The following NEGR1 variants were observed in gnomAD, a reference collection of about 807,000 sequenced individuals.
The protein encoded by NEGR1 is neuronal growth regulator 1, also known as IgLON family member 4.
NEGR1 carries 10 observed loss-of-function variants against 40.9 expected under a neutral mutation model. That is an observed-to-expected ratio of 0.24 (90% CI 0.15 to 0.42). The LOEUF is 0.42. Among genes scored for constraint, NEGR1 ranks in the 10% least tolerant of loss-of-function variants. NEGR1 has a pLI of 1.00. For missense variants in NEGR1, 352 were observed against 438.9 expected (o/e 0.80, Z 1.77); for synonymous variants, 185 against 166.8 (o/e 1.11, Z -0.84).
chr1:72,218,401 A>C (rs1422622051), intron 1 of NEGR1, among the ~76,000 whole-genome samples: 1 of 152,010 alleles, frequency 6.6e-6, no homozygotes, highest in African/African-American at 2.4e-5. Context: ...CAAAATATAA[A>C]ATAAGCTCAA....
At chr1:71,498,175 TG>T (rs1234307515) in intron 6 of NEGR1, among the ~76,000 whole-genome samples, 1 of 150,604 alleles carries the variant, frequency 6.6e-6, no homozygotes, top group African/African-American at 2.4e-5. Flanking sequence ...TCTCTTGGAA[TG>T]GTTTAGCAAT....
chr1:71,571,213 C>T (rs1193619019), intron 6 of NEGR1, among the ~76,000 whole-genome samples: 1 of 152,096 alleles, frequency 6.6e-6, no homozygotes, highest in East Asian at 1.9e-4. Context: ...ACAGACATAT[C>T]TAAAGTTTTC....
At chr1:71,601,323 T>C (rs1336227212) in intron 5 of NEGR1, among the ~76,000 whole-genome samples, 1 of 152,180 alleles carries the variant, frequency 6.6e-6, no homozygotes, top group Non-Finnish European at 1.5e-5. Flanking sequence ...AAACAACAGA[T>C]GTTGGTGTGG....
rs1274851093 is a variant in NEGR1 at position 72,114,665 on chromosome 1, A to C, written c.176+167654T>G. On this transcript the variant is annotated intron_variant, in intron 1 of 6. Transcript: ENST00000357731. The stretch of plus-strand genomic sequence containing the variant: ...CAAAAATAGATGCTTTGCTTGGAAG[A>C]AGCTTTTCACTTCCTTGTAATATTT... Among the ~76,000 whole-genome samples the C allele has an allele frequency of 2.6e-5, 4 of 151,776 alleles. No individual in the cohort carries two copies. The Admixed American group carries it at 2.6e-4, about 10-fold the overall frequency.
chr1:72,245,089 AT>A (rs1242109740), intron 1 of NEGR1, among the ~76,000 whole-genome samples: 4 of 152,142 alleles, frequency 2.6e-5, no homozygotes, highest in African/African-American at 9.6e-5. Flanking sequence ...GGACAACCGT[AT>A]TGGTCAACGT....
At chr1:72,162,811 A>G (rs897804461) in intron 1 of NEGR1, among the ~76,000 whole-genome samples, 18 of 152,190 alleles carry the variant, frequency 1.2e-4, no homozygotes, top group African/African-American at 3.9e-4. Flanking sequence ...TGCAGAGGAT[A>G]GCAGTATTTA....
intron 1 of NEGR1, among the ~76,000 whole-genome samples, chr1:72,024,399 T>G (rs1264676940): frequency 6.6e-6 from 1 of 152,108 alleles, no homozygotes; most frequent in Non-Finnish European, 1.5e-5. Flanking sequence ...CATTTATTGT[T>G]GTTTACTCAA....
intron 2 of NEGR1, among the ~76,000 whole-genome samples, chr1:71,871,403 T>C (rs1038407238): frequency 7.9e-5 from 12 of 152,158 alleles, no homozygotes; most frequent in Admixed American, 7.9e-4. Context: ...AATATTGTCT[T>C]GTCAGGTCAC....
At chr1:71,691,056 C>T (rs1653261719) in intron 4 of NEGR1, among the ~76,000 whole-genome samples, 1 of 151,922 alleles carries the variant, frequency 6.6e-6, no homozygotes, top group African/African-American at 2.4e-5. Flanking sequence ...AACACTAAAT[C>T]CTCTTAACAA....
rs570080140 is a variant in NEGR1 at position 71,769,461 on chromosome 1, C to T, written c.535+6711G>A. ...AAATCTCATCATAAACTATAGTTCC[C>T]ATAATCCCCATGTGTTGTTGGAAGG... On this transcript the variant is annotated intron_variant, in intron 3 of 6. Coordinates refer to ENST00000357731, the MANE Select transcript of NEGR1 (RefSeq NM_173808.3). Among the ~76,000 whole-genome samples the T allele has an allele frequency of 1.2e-3, 187 of 152,230 alleles. 1 individual carries two copies. Among genetic ancestry groups the T allele is most frequent in the African/African-American group, 4.3e-3 (178 of 41,532 alleles).
chr1:72,250,148 CA>C (rs1256834439), intron 1 of NEGR1, among the ~76,000 whole-genome samples: 1 of 152,054 alleles, frequency 6.6e-6, no homozygotes, highest in Non-Finnish European at 1.5e-5. Context: ...TGAGTTTTCC[CA>C]AAGAAGAAGA....
At chr1:71,755,278 C>T (rs1338239200) in intron 3 of NEGR1, among the ~76,000 whole-genome samples, 2 of 152,162 alleles carry the variant, frequency 1.3e-5, no homozygotes, top group East Asian at 3.9e-4. Flanking sequence ...TCTTCACCTC[C>T]ACTGTCATTA....
intron 6 of NEGR1, among the ~76,000 whole-genome samples, chr1:71,417,458 A>G (rs1241128028): frequency 6.6e-6 from 1 of 152,232 alleles, no homozygotes; most frequent in East Asian, 1.9e-4. Flanking sequence ...CGTTGGTTCC[A>G]TCTACTGAAA....
chr1:71,758,820 T>G (rs1242315399), intron 3 of NEGR1, among the ~76,000 whole-genome samples: 2 of 152,192 alleles, frequency 1.3e-5, no homozygotes, highest in African/African-American at 2.4e-5. Flanking sequence ...TACTCATATA[T>G]ATTTCAATAA....
intron 3 of NEGR1, among the ~76,000 whole-genome samples, chr1:71,773,418 T>A (rs1029586688): frequency 6.6e-6 from 1 of 152,218 alleles, no homozygotes; most frequent in Admixed American, 6.5e-5. Flanking sequence ...ACACATTTTC[T>A]TTCATAATAT....
At chr1:71,572,888 T>A (rs1488285262) in intron 6 of NEGR1, among the ~76,000 whole-genome samples, 2 of 152,172 alleles carry the variant, frequency 1.3e-5, no homozygotes, top group Non-Finnish European at 2.9e-5. Flanking sequence ...GGGTGACCAT[T>A]TAGATTGGCT....
rs369813785 is a variant in NEGR1 at position 71,414,888 on chromosome 1, A to G, written c.941-7318T>C. ...TAAACATACCATGGTCCTCTTTTCA[A>G]TTAGCTCTCAGTGTGGTCGACTAAC... On this transcript the variant is annotated intron_variant, in intron 6 of 6. Transcript: ENST00000357731. Among the ~76,000 whole-genome samples the G allele has an allele frequency of 3.9e-5, 6 of 152,238 alleles. No homozygotes were observed. In the East Asian group the frequency reaches 7.7e-4, roughly 20 times the overall value.
At chr1:71,771,572 T>G (rs1656325118) in intron 3 of NEGR1, among the ~76,000 whole-genome samples, 2 of 151,620 alleles carry the variant, frequency 1.3e-5, no homozygotes, top group African/African-American at 2.4e-5. Context: ...TGGTGGCGCA[T>G]GCCTGTAATC....
intron 6 of NEGR1, among the ~76,000 whole-genome samples, chr1:71,575,756 C>G (rs560721738): frequency 1.3e-5 from 2 of 152,290 alleles, no homozygotes; most frequent in South Asian, 4.1e-4. Context: ...GCACTCCAGC[C>G]TGGGCGACAG....
Sources: gnomAD v4.1 joint callset for allele counts (sites outside exome capture counted in the v4.1 genomes callset) on GRCh38, gnomAD v4.1.1 for gene constraint, MANE v1.5 for transcripts, NCBI Gene and HGNC (gene_info 2026-07-23, HGNC 2026-07-21) for gene names.